Variants in POU2F2 observed in about 807,000 individuals in gnomAD.
The protein encoded by POU2F2 is POU domain, class 2, transcription factor 2.
Under a neutral mutation model 63.5 loss-of-function variants are expected in POU2F2, and 14 were observed. The observed-to-expected ratio is 0.22, with a 90% CI of 0.15 to 0.34. The LOEUF (loss-of-function observed/expected upper bound fraction) is 0.34, where lower values mean the gene tolerates loss of function less well. Among genes scored for constraint, POU2F2 ranks in the 10% least tolerant of loss-of-function variants. The probability of loss-of-function intolerance (pLI) is 1.00; values close to 1 mark genes in which losing one functional copy is unlikely to be tolerated. For missense variants in POU2F2, 607 were observed against 815.2 expected, an observed-to-expected ratio of 0.74 and a Z score of 3.11; for synonymous variants, 306 against 348.6, an observed-to-expected ratio of 0.88 and a Z score of 1.36.
intron 1 of POU2F2, among the ~76,000 whole-genome samples, chr19:42,126,955 C>A (rs922212595): frequency 2.0e-5 from 3 of 152,010 alleles, no homozygotes; most frequent in African/African-American, 7.3e-5. Flanking sequence ...CTTGCTCTGT[C>A]GGCCAGGCTG....
rs763364250 is a variant in POU2F2, at chr19:42,169,773, G to A, written c.-70+6190C>T. Among the ~76,000 whole-genome samples the A allele has an allele frequency of 9.9e-5, 15 of 151,920 alleles. No individual in the cohort carries two copies. The highest frequency in any genetic ancestry group is 8.8e-5 in the Non-Finnish European group (6 of 67,982). The stretch of plus-strand genomic sequence containing the variant: ...GTGTGTGTGCGTGTGTGTGTGTGTC[G>A]GGGTGATATAAACACATGTGCGTGT... On this transcript the variant is annotated intron_variant, in intron 1 of 6. Transcript: ENST00000524801. This position sits in a 1 kb window ranked among gnomAD's most constrained non-coding sequence, Gnocchi z 4.3.
In POU2F2 at chr19:42,092,201, C is replaced by T. The variant is rs760904661; in HGVS notation, c.1334G>A (p.Gly445Asp). Reference protein sequence around the residue: ...SRTAGGGGGGGGAAPPLNSIP... With the variant: ...SRTAGGGGGGDGAAPPLNSIP... ...GGAATTGAGGGGGGGCGCAGCCCCG[C>T]CCCCGCCCCCACCCCCTCCAGCTGT... Residue 445 changes from glycine (G) to aspartate (D), a missense_variant, in exon 13 of 15, where the codon GGC becomes GAC. Transcript: ENST00000692977. This position sits in a 1 kb window ranked among gnomAD's most constrained non-coding sequence, Gnocchi z 5.0. 1.0e-5 allele frequency: 16 copies of T among 1,554,724 alleles called. No individual in the cohort carries two copies. The highest frequency in any genetic ancestry group is 2.0e-5 in the Admixed American group (1 of 48,976).
intron 4 of POU2F2, among the ~76,000 whole-genome samples, chr19:42,118,699 G>A (rs1328898619): frequency 6.6e-6 from 1 of 152,250 alleles, no homozygotes; most frequent in African/African-American, 2.4e-5. Flanking sequence ...AGCAGTTGTT[G>A]GCTGAAAGGC....
At position 42,153,188 on chromosome 19, in the gene POU2F2, G is replaced by A. The variant is rs1003928299; in HGVS notation, c.-9+7144C>T. On this transcript the variant is annotated intron_variant, in intron 2 of 6. Coordinates refer to the POU2F2 transcript ENST00000524801. The surrounding 1 kb of genome is among the most constrained non-coding windows in gnomAD (Gnocchi z 5.6). ...CTGTGGTGTGCGAGCTGCCATGGACGCAGGGTGTGCATGTGTCCTCAGGCT... is the reference window on the plus strand; with the variant it reads ...CTGTGGTGTGCGAGCTGCCATGGACACAGGGTGTGCATGTGTCCTCAGGCT... Among the ~76,000 whole-genome samples, 7 of 152,212 alleles carry A rather than the reference G, an allele frequency of 4.6e-5. No individual in the cohort carries two copies. Among genetic ancestry groups the A allele is most frequent in the South Asian group, 2.1e-4 (1 of 4,826 alleles).
In POU2F2 at chr19:42,093,897, TGAGGA is replaced by T. The variant is rs747076975; in HGVS notation, c.1198-7_1198-3del. ...CCCCGCGCCCCCTTGGGGTGTGACC[TGAGGA>T]GAGAAGAAAGGAGGTGTGGTTAGCC... On this transcript the variant is annotated splice_polypyrimidine_tract_variant and splice_region_variant and intron_variant, in intron 11 of 14. Transcript: ENST00000692977. 3.7e-6 allele frequency: 6 copies of T among 1,607,918 alleles called. No homozygotes were observed. Among genetic ancestry groups the T allele is most frequent in the Admixed American group, 1.7e-5 (1 of 59,750 alleles).
intron 5 of POU2F2, among the ~76,000 whole-genome samples, chr19:42,106,231 A>G (rs2029960530): frequency 6.6e-6 from 1 of 151,822 alleles, no homozygotes; most frequent in African/African-American, 2.4e-5. Context: ...TCAGACTTCC[A>G]AGTAGCTGAG....
At chr19:42,121,192 T>C (rs536889709) in intron 4 of POU2F2, among the ~76,000 whole-genome samples, 1 of 152,118 alleles carries the variant, frequency 6.6e-6, no homozygotes, top group East Asian at 1.9e-4. Context: ...GCTAAGGCAA[T>C]AGCCAAACCT....
chr19:42,183,855 G>A (rs530008500), intron 1 of POU2F2, among the ~76,000 whole-genome samples: 1 of 152,166 alleles, frequency 6.6e-6, no homozygotes, highest in South Asian at 2.1e-4. Context: ...AGAATGGAGA[G>A]TAAGACTATC....
intron 1 of POU2F2, among the ~76,000 whole-genome samples, chr19:42,187,343 T>C (rs11883099): frequency 0.026 from 3,867 of 150,504 alleles, 170 homozygotes; most frequent in African/African-American, 0.089. Context: ...AGGGTGCCTG[T>C]AATCCCAGTT....
intron 5 of POU2F2, among the ~76,000 whole-genome samples, chr19:42,106,865 G>A (rs951976018): frequency 2.6e-5 from 4 of 151,632 alleles, no homozygotes; most frequent in African/African-American, 9.7e-5. Flanking sequence ...AGGAGAAGGA[G>A]GAGAAGGAAA....
At position 42,092,217 on chromosome 19, in the gene POU2F2, C is replaced by A; in HGVS notation, c.1318G>T (p.Gly440Trp). 6.4e-7 allele frequency: 1 copy of A among 1,570,818 alleles called. No individual in the cohort carries two copies. Among genetic ancestry groups the A allele is most frequent in the Non-Finnish European group, 8.6e-7 (1 of 1,158,460 alleles). ...GTLHPSRTAG[G>W]GGGGGGAAPP... ...GCAGCCCCGCCCCCGCCCCCACCCC[C>A]TCCAGCTGTCCGGCTGGGGTGGAGC... The change falls in exon 13 of 15, where the codon GGG becomes TGG. Residue 440 changes from glycine to tryptophan, a missense_variant. Around this residue, in one of 7 missense-constraint regions of POU2F2, gnomAD observed 270 missense variants for 307.5 expected, o/e 0.88. Transcript: ENST00000692977. This position sits in a 1 kb window ranked among gnomAD's most constrained non-coding sequence, Gnocchi z 5.0.
In POU2F2 at chr19:42,096,064, T is replaced by C; in HGVS notation, c.729+18A>G. The stretch of plus-strand genomic sequence containing the variant: ...ACGCCCCCACGCCCACCGCCCAGCC[T>C]GCAAGGTGCCTCCAGACCTGCGTGA... On this transcript the variant is annotated intron_variant, in intron 8 of 14. Coordinates refer to ENST00000692977, the MANE Select transcript of POU2F2 (RefSeq NM_001394376.1). This position sits in a 1 kb window ranked among gnomAD's most constrained non-coding sequence, Gnocchi z 4.1. 2 of 1,612,764 alleles carry C rather than the reference T, an allele frequency of 1.2e-6. No individual in the cohort carries two copies. Among genetic ancestry groups the C allele is most frequent in the South Asian group, 2.2e-5 (2 of 90,946 alleles).
At chr19:42,143,168 G>C (rs1321329942) in intron 2 of POU2F2, among the ~76,000 whole-genome samples, 2 of 152,098 alleles carry the variant, frequency 1.3e-5, no homozygotes, top group Non-Finnish European at 2.9e-5. Context: ...TTTGAGACCA[G>C]CCTGGCCAAC....
At chr19:42,188,915 G>GGAAGGAAGGAAA (rs2035045609) in intron 1 of POU2F2, among the ~76,000 whole-genome samples, 1 of 128,838 alleles carries the variant, frequency 7.8e-6, no homozygotes, top group Non-Finnish European at 1.5e-5. Context: ...GAGGAAGGAA[G>GGAAGGAAGGAAA]GAAGGAAGGA....
intron 7 of POU2F2, among the ~76,000 whole-genome samples, chr19:42,097,791 G>C (rs945452924): frequency 1.3e-5 from 2 of 152,168 alleles, no homozygotes; most frequent in Non-Finnish European, 2.9e-5. Flanking sequence ...CTGGGTGACA[G>C]AGTAAGACCC....
At position 42,096,293 on chromosome 19, in the gene POU2F2, GGCTCAGCGATGGGT is replaced by G. The variant is rs777911667; in HGVS notation, c.568-64_568-51del. On this transcript the variant is annotated intron_variant, in intron 7 of 14. Transcript: ENST00000692977. This position sits in a 1 kb window ranked among gnomAD's most constrained non-coding sequence, Gnocchi z 4.1. ...GATGCAGGGCGGAGGACCAGGATGGGGCTCAGCGATGGGTGCACAGTCCCCCTCCCGCCCTCTTC... is the reference window on the plus strand; with the variant it reads ...GATGCAGGGCGGAGGACCAGGATGGGGCACAGTCCCCCTCCCGCCCTCTTC... 522 of 1,478,864 alleles carry G rather than the reference GGCTCAGCGATGGGT, an allele frequency of 3.5e-4. No individual in the cohort carries two copies. Among genetic ancestry groups the G allele is most frequent in the Non-Finnish European group, 4.5e-4 (495 of 1,109,968 alleles). 91.6% of individuals were successfully genotyped at this position (1,478,864 alleles called of 1,614,324 possible). A position where few individuals can be genotyped will look rare whatever the true frequency, so the allele number is the denominator to read the frequency against.
intron 4 of POU2F2, among the ~76,000 whole-genome samples, chr19:42,119,712 C>T (rs959058727): frequency 2.6e-5 from 4 of 151,868 alleles, no homozygotes; most frequent in East Asian, 1.9e-4. Flanking sequence ...TGCAATGAGC[C>T]GAGATCATGC....
At chr19:42,122,785 G>C (rs2032801168) in intron 1 of POU2F2, among the ~76,000 whole-genome samples, 1 of 152,190 alleles carries the variant, frequency 6.6e-6, no homozygotes, top group South Asian at 2.1e-4. Flanking sequence ...TTAGGCCTTG[G>C]GGGATCTTGC....
chr19:42,092,110 G>A lies in POU2F2; in HGVS notation c.1425C>T (p.Ser475=), dbSNP rs2076740439. The part of the protein sequence containing the change: ...TNSTNPSPQG[S]HSAIGLSGLN... ...GGCCTGACAAGCCGATAGCCGAGTG[G>A]CTGCCTTGAGGGCTGGGGTTTGTGC... is the stretch of plus-strand genomic sequence containing the variant. Residue 475 remains serine, a synonymous_variant, in exon 13 of 15, where the codon AGC becomes AGT. Transcript: ENST00000692977. The surrounding 1 kb of genome is among the most constrained non-coding windows in gnomAD (Gnocchi z 5.0). 1 of 1,592,200 alleles carries A rather than the reference G, an allele frequency of 6.3e-7. No homozygotes were observed. The highest frequency in any genetic ancestry group is 8.5e-7 in the Non-Finnish European group (1 of 1,170,452).
Sources: allele counts gnomAD v4.1 joint callset (sites outside exome capture counted in the v4.1 genomes callset), GRCh38; gene constraint gnomAD v4.1.1; regional missense constraint gnomAD v4.1.1; non-coding constraint Gnocchi (gnomAD v3.1); transcripts MANE v1.5; gene names NCBI Gene and HGNC (gene_info 2026-07-23, HGNC 2026-07-21).